Variants in IQUB observed in about 807,000 individuals in gnomAD.
IQUB encodes IQ motif and ubiquitin domain containing.
In IQUB, 86 loss-of-function variants were observed where a neutral mutation model predicts 86.4. That is an observed-to-expected ratio of 1.00 (90% confidence interval 0.84 to 1.19). The LOEUF (loss-of-function observed/expected upper bound fraction) is 1.19, where lower values mean the gene tolerates loss of function less well. Ranked by LOEUF, IQUB falls within the 50% of genes most tolerant of loss-of-function variation. The pLI, the probability that IQUB is intolerant of heterozygous loss-of-function variation, is 0.00. For synonymous variants in IQUB, 289 were observed against 304.5 expected, an observed-to-expected ratio of 0.95 and a Z score of 0.53; for missense variants, 946 against 916.9, an observed-to-expected ratio of 1.03 and a Z score of -0.41.
Position 123,502,961 on chromosome 7 carries a change from A to T in IQUB, c.850T>A (p.Phe284Ile), listed in dbSNP as rs971921842. ...AACATTACCTGCGTATCCCTACAAA[A>T]TATACTGAGTCTTTCGGGAATCCTT... is the stretch of plus-strand genomic sequence containing the variant. ...PKRIPERLSI[F>I]CRDTQTVFQK... The change falls in exon 5 of 13, where the codon TTT becomes ATT. Residue 284 changes from phenylalanine (F) to isoleucine (I), a missense_variant. Physicochemically the swap from Phe to Ile is conservative, Grantham distance 21 (BLOSUM62 0). Coordinates refer to ENST00000324698, the MANE Select transcript of IQUB (RefSeq NM_178827.5). 4 of 1,611,448 alleles carry T rather than the reference A, an allele frequency of 2.5e-6. No individual in the cohort carries two copies. The African/African-American group carries it at 5.4e-5, about 22-fold the overall frequency.
chr7:123,525,459 T>C (rs1797149678), intron 1 of IQUB, among the ~76,000 whole-genome samples: 1 of 152,332 alleles, frequency 6.6e-6, no homozygotes, highest in South Asian at 2.1e-4. Context: ...AATTTATCCA[T>C]TTCTTCTAGA....
intron 1 of IQUB, among the ~76,000 whole-genome samples, chr7:123,521,290 C>T (rs1438507021): frequency 6.6e-6 from 1 of 152,008 alleles, no homozygotes; most frequent in Non-Finnish European, 1.5e-5. Flanking sequence ...TTATTTCACC[C>T]TAATTTTAGT....
chr7:123,490,859 GA>G (rs1181922495), intron 7 of IQUB, among the ~76,000 whole-genome samples: 1 of 151,904 alleles, frequency 6.6e-6, no homozygotes, highest in African/African-American at 2.4e-5. Flanking sequence ...AGCTACTCAG[GA>G]GGCTGAGGCA....
At chr7:123,522,690 A>C (rs1004084643) in intron 1 of IQUB, among the ~76,000 whole-genome samples, 1 of 152,168 alleles carries the variant, frequency 6.6e-6, no homozygotes, top group African/African-American at 2.4e-5. Context: ...TCGTTTTATA[A>C]AGTAGGAGAA....
In IQUB at chr7:123,457,392, T is replaced by G; in HGVS notation, c.2182A>C (p.Ser728Arg). The G allele has an allele frequency of 1.9e-6, 3 of 1,611,244 alleles. No individual in the cohort carries two copies. The highest frequency in any genetic ancestry group is 1.7e-6 in the Non-Finnish European group (2 of 1,178,652). Residue 728 changes from serine (S) to arginine (R), a missense_variant, in exon 12 of 13, where the codon AGT (serine) becomes CGT (arginine). Ser to Arg is a moderately radical substitution (Grantham distance 110). Coordinates refer to ENST00000324698, the MANE Select transcript of IQUB (RefSeq NM_178827.5). ...TTCAACTTTCTTACCTCTTCAATAC[T>G]TGTTAGCTTGAGATGAGCAGCTGCT... ...DEAAAHLKLTSIEEGYERSFI... is the reference protein window; with the variant it reads ...DEAAAHLKLTRIEEGYERSFI...
At chr7:123,485,080 T>TA (rs1419123449) in intron 7 of IQUB, among the ~76,000 whole-genome samples, 1 of 152,066 alleles carries the variant, frequency 6.6e-6, no homozygotes, top group Non-Finnish European at 1.5e-5. Context: ...GGATGATAAT[T>TA]AAAAAATTGA....
chr7:123,533,494 TAA>T (rs1797636538), intron 1 of IQUB, among the ~76,000 whole-genome samples: 1 of 152,252 alleles, frequency 6.6e-6, no homozygotes, highest in South Asian at 2.1e-4. Context: ...TCTTACTATA[TAA>T]AAGTTTTAGA....
intron 9 of IQUB, among the ~76,000 whole-genome samples, chr7:123,467,271 G>T (rs1183864628): frequency 6.6e-6 from 1 of 152,020 alleles, no homozygotes; most frequent in Non-Finnish European, 1.5e-5. Flanking sequence ...CATATTCATT[G>T]TAATGAATGT....
intron 1 of IQUB, among the ~76,000 whole-genome samples, chr7:123,533,276 A>T (rs192931633): frequency 6.6e-6 from 1 of 152,356 alleles, no homozygotes; most frequent in Admixed American, 6.5e-5. Flanking sequence ...ACTGAAAATG[A>T]GTTCCCAGAA....
intron 1 of IQUB, among the ~76,000 whole-genome samples, chr7:123,528,126 T>C (rs1797348645): frequency 2.0e-5 from 3 of 152,218 alleles, no homozygotes; most frequent in Non-Finnish European, 2.9e-5. Context: ...GGGAACTCCC[T>C]GACCCCTTGC....
At chr7:123,488,201 C>T (rs907485404) in intron 7 of IQUB, among the ~76,000 whole-genome samples, 9 of 151,724 alleles carry the variant, frequency 5.9e-5, no homozygotes, top group East Asian at 1.9e-4. Flanking sequence ...ATTATCCGGG[C>T]GCGGTGGCCG....
intron 3 of IQUB, 107 bp downstream of exon 3, chr7:123,509,794 A>C: frequency 1.1e-6 from 1 of 931,148 alleles, no homozygotes; most frequent in South Asian, 1.5e-5. Context: ...CCACAATATA[A>C]TGTTCAATTA....
chr7:123,519,209 G>T (rs987984200), intron 1 of IQUB, among the ~76,000 whole-genome samples: 1 of 152,140 alleles, frequency 6.6e-6, no homozygotes, highest in African/African-American at 2.4e-5. Flanking sequence ...CTGTTAGCGG[G>T]AAATGTAAAT....
At chr7:123,493,721 A>ATGTGTGTGTGTGTG (rs753344642) in intron 7 of IQUB, among the ~76,000 whole-genome samples, 8 of 128,344 alleles carry the variant, frequency 6.2e-5, no homozygotes, top group South Asian at 2.5e-4. Flanking sequence ...CCTGAGAGAA[A>ATGTGTGTGTGTGTG]TGTGTGTGTA....
intron 3 of IQUB, among the ~76,000 whole-genome samples, chr7:123,509,445 ATCTATTTCCAGCCACTCAACACT>A (rs1796323243): frequency 6.6e-6 from 1 of 152,100 alleles, no homozygotes; most frequent in African/African-American, 2.4e-5. Flanking sequence ...CCCATATATA[ATCTATTTCCAGCCACTCAACACT>A]TCTTACCACT....
At chr7:123,528,676 C>T (rs1797381203) in intron 1 of IQUB, among the ~76,000 whole-genome samples, 1 of 152,120 alleles carries the variant, frequency 6.6e-6, no homozygotes, top group South Asian at 2.1e-4. Flanking sequence ...AGCTAAGACC[C>T]AGGAATGCCT....
At chr7:123,489,651 G>A (rs1164307742) in intron 7 of IQUB, among the ~76,000 whole-genome samples, 1 of 151,580 alleles carries the variant, frequency 6.6e-6, no homozygotes, top group Non-Finnish European at 1.5e-5. Flanking sequence ...GGAGTTTAGA[G>A]AAGCTCTGAA....
At chr7:123,499,532 A>G (rs866158207) in intron 6 of IQUB, among the ~76,000 whole-genome samples, 5 of 152,238 alleles carry the variant, frequency 3.3e-5, no homozygotes, top group Non-Finnish European at 5.9e-5. Context: ...GAAAGGGTAC[A>G]TCACCAAGTC....
chr7:123,457,298 G>A (rs1793742985), intron 12 of IQUB, 83 bp downstream of exon 12: 6 of 1,511,598 alleles, frequency 4.0e-6, no homozygotes, highest in Non-Finnish European at 5.3e-6. Flanking sequence ...ATTTAAGCAT[G>A]GAATATATTA....
Sources: gnomAD v4.1 joint callset for allele counts (sites outside exome capture counted in the v4.1 genomes callset) on GRCh38, gnomAD v4.1.1 for gene constraint, MANE v1.5 for transcripts, NCBI Gene and HGNC (gene_info 2026-07-23, HGNC 2026-07-21) for gene names.